Variants in MACROD2 observed in about 807,000 individuals in gnomAD.
The protein encoded by MACROD2 is mono-ADP ribosylhydrolase 2, also known as ADP-ribose glycohydrolase MACROD2.
In MACROD2, 36 loss-of-function variants were observed where a neutral mutation model predicts 70.4. The ratio of observed to expected loss-of-function variants is 0.51; its 90% CI spans 0.39 to 0.68. MACROD2 has a LOEUF of 0.68. MACROD2 is among the 30% of genes least tolerant of loss of function. The pLI is 0.00. For synonymous variants in MACROD2, 172 were observed against 178.8 expected, an observed-to-expected ratio of 0.96 and a Z score of 0.30; for missense variants, 496 against 538.4, an observed-to-expected ratio of 0.92 and a Z score of 0.78.
chr20:14,246,316 C>T (rs935047837), intron 3 of MACROD2, among the ~76,000 whole-genome samples: 1 of 152,062 alleles, frequency 6.6e-6, no homozygotes, highest in African/African-American at 2.4e-5. Flanking sequence ...GACTTCTATC[C>T]CTTTCTGTAG....
intron 5 of MACROD2, among the ~76,000 whole-genome samples, chr20:14,735,576 G>A (rs762035634): frequency 6.6e-6 from 1 of 152,178 alleles, no homozygotes; most frequent in African/African-American, 2.4e-5. Context: ...AGGCTGGCAT[G>A]GTGGCTCATG....
At chr20:15,118,033 C>T (rs1381382870) in intron 5 of MACROD2, among the ~76,000 whole-genome samples, 1 of 151,674 alleles carries the variant, frequency 6.6e-6, no homozygotes, top group Non-Finnish European at 1.5e-5. Context: ...ACTCCTAGGT[C>T]TCTCAGGATT....
intron 6 of MACROD2, among the ~76,000 whole-genome samples, chr20:15,400,738 C>G (rs1472174855): frequency 6.6e-6 from 1 of 152,066 alleles, no homozygotes; most frequent in Non-Finnish European, 1.5e-5. Context: ...ATTCCATTCC[C>G]AATAAATGAA....
At chr20:14,737,258 C>T (rs2071677743) in intron 5 of MACROD2, among the ~76,000 whole-genome samples, 1 of 152,122 alleles carries the variant, frequency 6.6e-6, no homozygotes, top group Admixed American at 6.5e-5. Flanking sequence ...CCAGCATCAT[C>T]CATGTCCCTG....
At chr20:14,490,236 T>C (rs1375152145) in intron 3 of MACROD2, among the ~76,000 whole-genome samples, 11 of 152,194 alleles carry the variant, frequency 7.2e-5, no homozygotes, top group Non-Finnish European at 4.4e-5. Flanking sequence ...GAAAAAATTC[T>C]TATAAACTTT....
At chr20:15,226,146 A>G (rs1387665863) in intron 5 of MACROD2, among the ~76,000 whole-genome samples, 2 of 152,206 alleles carry the variant, frequency 1.3e-5, no homozygotes, top group South Asian at 2.1e-4. Context: ...ATTCTGATTT[A>G]TTCCTTCTTT....
intron 3 of MACROD2, chr20:14,327,494 C>T: frequency 6.2e-7 from 1 of 1,611,884 alleles, no homozygotes; most frequent in Non-Finnish European, 8.5e-7. Context: ...ATGCTCCAGG[C>T]TGCGCTGATC....
chr20:15,772,017 A>G lies in MACROD2; in HGVS notation c.646-90728A>G, dbSNP rs957077920. On this transcript the variant is annotated intron_variant, in intron 8 of 17. Transcript: ENST00000684519. ...GGAGAATGGCATGAACCCGGGAGGC[A>G]GAGCTTGCAGTGAGCCGAGATCGCG... is the stretch of plus-strand genomic sequence containing the variant. Among the ~76,000 whole-genome samples the G allele has an allele frequency of 2.7e-4, 40 of 147,114 alleles. 1 individual carries two copies. The highest frequency in any genetic ancestry group is 8.5e-4 in the African/African-American group (34 of 40,108).
chr20:15,281,831 G>C (rs556310500), intron 6 of MACROD2, among the ~76,000 whole-genome samples: 10 of 152,274 alleles, frequency 6.6e-5, no homozygotes, highest in Non-Finnish European at 1.5e-4. Flanking sequence ...GGACTCTGGA[G>C]ACTCTAACCC....
chr20:14,635,066 T>C (rs948519666), intron 4 of MACROD2, among the ~76,000 whole-genome samples: 4 of 152,208 alleles, frequency 2.6e-5, no homozygotes, highest in Admixed American at 6.5e-5. Flanking sequence ...GAAGGTGGTG[T>C]GGCCTGTGTC....
chr20:15,265,579 T>A (rs1568678810), intron 6 of MACROD2, among the ~76,000 whole-genome samples: 1 of 152,242 alleles, frequency 6.6e-6, no homozygotes, highest in East Asian at 1.9e-4. Context: ...TGCTTCTTAA[T>A]AGCAGATCTA....
intron 6 of MACROD2, among the ~76,000 whole-genome samples, chr20:15,403,827 C>T (rs2045962720): frequency 6.6e-6 from 1 of 152,080 alleles, no homozygotes; most frequent in Non-Finnish European, 1.5e-5. Context: ...AAGAGCAAGT[C>T]CAGGGCATTA....
At chr20:14,548,830 G>A (rs1005066702) in intron 4 of MACROD2, among the ~76,000 whole-genome samples, 116 of 151,988 alleles carry the variant, frequency 7.6e-4, no homozygotes, top group African/African-American at 2.5e-3. Context: ...AGAGGAGTGG[G>A]AGAAGTAAAA....
intron 5 of MACROD2, among the ~76,000 whole-genome samples, chr20:14,739,219 A>C (rs1385254764): frequency 6.6e-6 from 1 of 152,036 alleles, no homozygotes; most frequent in Non-Finnish European, 1.5e-5. Flanking sequence ...TAGTATGAGA[A>C]ATTATGATAC....
At chr20:13,998,237 A>G (rs566713312) in intron 1 of MACROD2, among the ~76,000 whole-genome samples, 1 of 152,222 alleles carries the variant, frequency 6.6e-6, no homozygotes, top group East Asian at 1.9e-4. Context: ...GGAGTTCTGA[A>G]GACCACATAT....
chr20:15,678,460 C>T (rs917928471), intron 8 of MACROD2, among the ~76,000 whole-genome samples: 5 of 151,694 alleles, frequency 3.3e-5, no homozygotes, highest in East Asian at 2.0e-4. Context: ...CCCGGGTTCA[C>T]GCCATTCTCC....
intron 5 of MACROD2, among the ~76,000 whole-genome samples, chr20:14,853,078 T>C (rs916058747): frequency 2.0e-5 from 3 of 152,026 alleles, no homozygotes; most frequent in Non-Finnish European, 4.4e-5. Context: ...TCTTACTCTG[T>C]AGATAATGGG....
At chr20:14,386,777 A>G (rs2083472384) in intron 3 of MACROD2, among the ~76,000 whole-genome samples, 1 of 152,184 alleles carries the variant, frequency 6.6e-6, no homozygotes, top group Non-Finnish European at 1.5e-5. Flanking sequence ...TTCATTATAA[A>G]TTACCCAGTA....
intron 8 of MACROD2, among the ~76,000 whole-genome samples, chr20:15,575,616 T>C (rs1384046200): frequency 6.6e-6 from 1 of 152,164 alleles, no homozygotes; most frequent in Non-Finnish European, 1.5e-5. Context: ...ATAGCACTGA[T>C]TTATGAAAGG....
Sources: gnomAD v4.1 joint callset for allele counts (sites outside exome capture counted in the v4.1 genomes callset) on GRCh38, gnomAD v4.1.1 for gene constraint, MANE v1.5 for transcripts, NCBI Gene and HGNC (gene_info 2026-07-23, HGNC 2026-07-21) for gene names.